SMYD3: variants seen among roughly 807,000 people sequenced by gnomAD.
The protein encoded by SMYD3 is SET and MYND domain containing 3.
SMYD3 carries 36 observed loss-of-function variants against 57.7 expected under a neutral mutation model. The ratio of observed to expected loss-of-function variants is 0.62; its 90% CI spans 0.48 to 0.82. SMYD3 has a LOEUF of 0.82. SMYD3 is among the 40% of genes least tolerant of loss of function. The probability of loss-of-function intolerance (pLI) is 0.00; values close to 1 mark genes in which losing one functional copy is unlikely to be tolerated. For missense variants in SMYD3, 515 were observed against 538.8 expected (o/e 0.96, Z 0.44); for synonymous variants, 211 against 195.0 (o/e 1.08, Z -0.68).
intron 5 of SMYD3, among the ~76,000 whole-genome samples, chr1:246,301,570 A>AT (rs771000697): frequency 1.2e-3 from 181 of 152,178 alleles, no homozygotes; most frequent in Non-Finnish European, 2.0e-3. Flanking sequence ...GCATGCACAC[A>AT]TTTTATACTG....
intron 5 of SMYD3, among the ~76,000 whole-genome samples, chr1:246,099,021 C>T (rs1490446458): frequency 1.3e-5 from 2 of 152,142 alleles, no homozygotes; most frequent in Non-Finnish European, 2.9e-5. Context: ...TTCCAGCCAA[C>T]CTCTTCTAAC....
intron 5 of SMYD3, among the ~76,000 whole-genome samples, chr1:246,253,015 GTTAT>G (rs991141260): frequency 5.9e-5 from 9 of 152,148 alleles, no homozygotes; most frequent in African/African-American, 2.2e-4. Flanking sequence ...CAAATGATAT[GTTAT>G]TTGACATTTC....
intron 1 of SMYD3, among the ~76,000 whole-genome samples, chr1:246,405,045 A>G (rs1383877475): frequency 6.6e-6 from 1 of 152,070 alleles, no homozygotes; most frequent in Non-Finnish European, 1.5e-5. Context: ...TCAACCTCCC[A>G]GACTCAAGTC....
chr1:245,822,854 A>G (rs1384234065), intron 10 of SMYD3, among the ~76,000 whole-genome samples: 1 of 152,180 alleles, frequency 6.6e-6, no homozygotes, highest in Non-Finnish European at 1.5e-5. Context: ...AAATCTTCCT[A>G]GGAAAGACTC....
chr1:246,076,245 C>G (rs2060544122), intron 5 of SMYD3, among the ~76,000 whole-genome samples: 1 of 152,172 alleles, frequency 6.6e-6, no homozygotes, highest in African/African-American at 2.4e-5. Flanking sequence ...GTCTCTACTT[C>G]AGTTCTCTGT....
intron 5 of SMYD3, among the ~76,000 whole-genome samples, chr1:245,968,006 A>G (rs552856176): frequency 3.1e-4 from 47 of 152,242 alleles, no homozygotes; most frequent in African/African-American, 1.1e-3. Context: ...GTACACTACA[A>G]TATTTATTCA....
intron 5 of SMYD3, among the ~76,000 whole-genome samples, chr1:246,146,426 G>A (rs182684023): frequency 2.0e-5 from 3 of 152,296 alleles, no homozygotes; most frequent in Admixed American, 6.5e-5. Flanking sequence ...GTGAGTTAAC[G>A]ACAAGGGTTT....
chr1:246,167,239 A>T (rs531448053), intron 5 of SMYD3, among the ~76,000 whole-genome samples: 1 of 152,240 alleles, frequency 6.6e-6, no homozygotes, highest in East Asian at 1.9e-4. Flanking sequence ...TACTAATACT[A>T]TTTATAATAT....
chr1:245,858,204 T>C (rs2051350573), intron 10 of SMYD3, among the ~76,000 whole-genome samples: 1 of 152,190 alleles, frequency 6.6e-6, no homozygotes. Context: ...TCTTTGTCAC[T>C]GCAAGCGCCA....
intron 8 of SMYD3, among the ~76,000 whole-genome samples, chr1:245,876,803 A>C (rs1297160330): frequency 6.6e-6 from 1 of 152,184 alleles, no homozygotes; most frequent in Non-Finnish European, 1.5e-5. Context: ...ATCATTTCTA[A>C]ATACCGCACG....
chr1:246,199,560 G>A (rs1007746859), intron 5 of SMYD3, among the ~76,000 whole-genome samples: 12 of 152,098 alleles, frequency 7.9e-5, no homozygotes, highest in African/African-American at 2.2e-4. Context: ...GCAGTTACAG[G>A]GCTCTAAACA....
At chr1:246,489,125 TCA>T (rs747281637) in intron 1 of SMYD3, among the ~76,000 whole-genome samples, 1 of 152,032 alleles carries the variant, frequency 6.6e-6, no homozygotes, top group Non-Finnish European at 1.5e-5. Context: ...GGCGGGCGGA[TCA>T]CGAGGTCAAG....
chr1:245,753,347 T>C (rs1308471705), intron 11 of SMYD3, among the ~76,000 whole-genome samples: 1 of 151,908 alleles, frequency 6.6e-6, no homozygotes, highest in Non-Finnish European at 1.5e-5. Context: ...CTCTGAAAGA[T>C]GGGCAGATGT....
At chr1:245,978,219 G>C (rs933640967) in intron 5 of SMYD3, among the ~76,000 whole-genome samples, 10 of 152,144 alleles carry the variant, frequency 6.6e-5, no homozygotes, top group African/African-American at 2.4e-4. Context: ...ATTTATGCTG[G>C]GAGGCATCTT....
At chr1:245,948,959 G>A (rs1323638097) in intron 5 of SMYD3, among the ~76,000 whole-genome samples, 1 of 152,208 alleles carries the variant, frequency 6.6e-6, no homozygotes, top group Admixed American at 6.5e-5. Flanking sequence ...CAGCTGAGCA[G>A]TTCCTCTGCA....
chr1:245,914,343 A>C (rs2055240750), intron 8 of SMYD3, among the ~76,000 whole-genome samples: 1 of 152,254 alleles, frequency 6.6e-6, no homozygotes, highest in African/African-American at 2.4e-5. Flanking sequence ...CAGCAGCACT[A>C]TTCAGAAAAA....
chr1:245,998,869 T>C (rs2058982578), intron 5 of SMYD3, among the ~76,000 whole-genome samples: 1 of 151,968 alleles, frequency 6.6e-6, no homozygotes, highest in Non-Finnish European at 1.5e-5. Flanking sequence ...CTTGAAGAGA[T>C]TATGTTAAGT....
chr1:245,793,204 G>C (rs971500430), intron 10 of SMYD3, among the ~76,000 whole-genome samples: 2 of 151,580 alleles, frequency 1.3e-5, no homozygotes, highest in Admixed American at 1.3e-4. Context: ...AGCTACTCGG[G>C]AGGCTGAGGC....
At chr1:245,751,528 G>A (rs2791365) in intron 11 of SMYD3, among the ~76,000 whole-genome samples, 15,150 of 135,626 alleles carry the variant, frequency 0.11, 1,598 homozygotes, top group African/African-American at 0.28. Context: ...CTGAGAGAGA[G>A]AGAAAGAGAG....
Sources: allele counts gnomAD v4.1 joint callset (sites outside exome capture counted in the v4.1 genomes callset), GRCh38; gene constraint gnomAD v4.1.1; transcripts MANE v1.5; gene names NCBI Gene and HGNC (gene_info 2026-07-23, HGNC 2026-07-21).